Variants in ADGRD1 observed in about 807,000 individuals in gnomAD.
ADGRD1 encodes G-protein coupled receptor 133.
Under a neutral mutation model 113.4 loss-of-function variants are expected in ADGRD1, and 77 were observed. The ratio of observed to expected loss-of-function variants is 0.68; its 90% CI spans 0.57 to 0.82. The LOEUF (loss-of-function observed/expected upper bound fraction) is 0.82, where lower values mean the gene tolerates loss of function less well. ADGRD1 is among the 40% of genes least tolerant of loss of function. The pLI is 0.00. For synonymous variants in ADGRD1, 474 were observed against 475.0 expected, an observed-to-expected ratio of 1.00 and a Z score of 0.03; for missense variants, 1,036 against 1,139.1, an observed-to-expected ratio of 0.91 and a Z score of 1.30.
At chr12:130,996,985 A>G in intron 8 of ADGRD1, among the ~76,000 whole-genome samples, 1 of 120,788 alleles carries the variant, frequency 8.3e-6, no homozygotes, top group Non-Finnish European at 1.7e-5. Context: ...TCCCTCCCGG[A>G]TGGGGCGGCT....
intron 15 of ADGRD1, among the ~76,000 whole-genome samples, chr12:131,099,311 C>T (rs1017215730): frequency 6.6e-6 from 1 of 152,258 alleles, no homozygotes; most frequent in Non-Finnish European, 1.5e-5. Context: ...CACCCTCCCT[C>T]CCTTCCAGTT....
intron 13 of ADGRD1, among the ~76,000 whole-genome samples, chr12:131,055,390 C>T (rs886460589): frequency 2.6e-5 from 4 of 152,230 alleles, no homozygotes; most frequent in African/African-American, 7.2e-5. Flanking sequence ...AGCACACTGA[C>T]TTCAGCGTTC....
chr12:131,135,142 C>CT (rs1951041898), intron 21 of ADGRD1, among the ~76,000 whole-genome samples: 2 of 152,328 alleles, frequency 1.3e-5, no homozygotes, highest in Admixed American at 1.3e-4. Flanking sequence ...TCAGGAATGG[C>CT]TTTGAGGCAG....
chr12:131,102,360 G>A (rs1003286238), intron 15 of ADGRD1, among the ~76,000 whole-genome samples: 1 of 152,256 alleles, frequency 6.6e-6, no homozygotes, highest in African/African-American at 2.4e-5. Flanking sequence ...GCACCCGCCT[G>A]TTGAGGAACT....
At position 131,140,528 on chromosome 12, in the gene ADGRD1, C is replaced by G. The variant is rs1951218272; in HGVS notation, c.*1265C>G. 1 of 152,048 alleles carries G rather than the reference C, an allele frequency of 6.6e-6. No individual in the cohort carries two copies. Among genetic ancestry groups the G allele is most frequent in the Non-Finnish European group, 1.5e-5 (1 of 68,018 alleles). The allele number at this position is 152,048 out of a possible 1,614,324, so 9.4% of individuals were successfully genotyped here. ...TGAGGTTCATACTGTGCTGATAGCA[C>G]TCGTGGTGTCTGTGAAATGTGGGTA... On this transcript the variant is annotated 3_prime_UTR_variant, in exon 25 of 25. Transcript: ENST00000261654.
At chr12:131,042,931 G>A (rs55802853) in intron 13 of ADGRD1, among the ~76,000 whole-genome samples, 1 of 152,264 alleles carries the variant, frequency 6.6e-6, no homozygotes, top group African/African-American at 2.4e-5. Flanking sequence ...GGTAACTGTC[G>A]GATTGTCCGC....
At chr12:131,118,806 G>T (rs193201328) in intron 19 of ADGRD1, among the ~76,000 whole-genome samples, 1 of 152,324 alleles carries the variant, frequency 6.6e-6, no homozygotes, top group African/African-American at 2.4e-5. Context: ...ACCCTTTCTT[G>T]GGGTGGCCAG....
Position 131,050,217 on chromosome 12 carries a change from C to T in ADGRD1, c.1474-26584C>T, listed in dbSNP as rs986951462. On this transcript the variant is annotated intron_variant, in intron 13 of 24. Transcript: ENST00000261654. The surrounding 1 kb of genome is among the most constrained non-coding windows in gnomAD (Gnocchi z 4.8). ...CTCAAGTTGAAATCACCATCGTCAT[C>T]GTCATCATCATCATCATCATCAATG... Among the ~76,000 whole-genome samples, 3 of 107,756 alleles carry T rather than the reference C, an allele frequency of 2.8e-5. No individual in the cohort carries two copies. Among genetic ancestry groups the T allele is most frequent in the African/African-American group, 7.7e-5 (3 of 39,016 alleles). The allele number at this position is 107,756 out of a possible 152,430, so 70.7% of individuals were successfully genotyped here.
chr12:130,996,656 G>C (rs1173835864), intron 8 of ADGRD1, among the ~76,000 whole-genome samples: 1 of 105,262 alleles, frequency 9.5e-6, no homozygotes, highest in African/African-American at 3.7e-5. Context: ...CCGGGCGGGG[G>C]GCTGACCCCC....
intron 21 of ADGRD1, among the ~76,000 whole-genome samples, chr12:131,133,274 A>G (rs994755781): frequency 6.6e-6 from 1 of 152,026 alleles, no homozygotes; most frequent in Non-Finnish European, 1.5e-5. Flanking sequence ...TCTGAGCCCC[A>G]TGAGGCCACT....
intron 13 of ADGRD1, among the ~76,000 whole-genome samples, chr12:131,063,645 G>A (rs1884508093): frequency 6.6e-6 from 1 of 152,178 alleles, no homozygotes; most frequent in African/African-American, 2.4e-5. Flanking sequence ...CCCTGTGCCA[G>A]TCCCACACAG....
rs574166396 is a variant in ADGRD1 at position 131,100,470 on chromosome 12, G to T, written c.1672-4361G>T. ...GGGTTGGTTGATGTTAAGGTTGGTT[G>T]ATGGTGGAGTTGGTTTATAGTCAGA... On this transcript the variant is annotated intron_variant, in intron 15 of 24. Transcript: ENST00000261654. Among the ~76,000 whole-genome samples, 4 of 152,118 alleles carry T rather than the reference G, an allele frequency of 2.6e-5. No homozygotes were observed. In the East Asian group the frequency reaches 7.7e-4, roughly 29 times the overall value.
At chr12:130,955,592 G>A (rs1197637180) in intron 2 of ADGRD1, among the ~76,000 whole-genome samples, 1 of 152,148 alleles carries the variant, frequency 6.6e-6, no homozygotes, top group Non-Finnish European at 1.5e-5. Flanking sequence ...CAGTCACTGG[G>A]CTGTTGCTCC....
At chr12:131,102,027 A>T (rs1364515463) in intron 15 of ADGRD1, among the ~76,000 whole-genome samples, 1 of 152,152 alleles carries the variant, frequency 6.6e-6, no homozygotes, top group Non-Finnish European at 1.5e-5. Flanking sequence ...ATAGCTGAAC[A>T]GGGGGGTTTA....
In ADGRD1 at chr12:131,022,063, AT is replaced by A. The variant is rs955850822; in HGVS notation, c.1473+7727del. ...GATTAGGGCCTACTCTAATGACCTC[AT>A]TTTATCTTAATCACCCCTTCAAAGA... On this transcript the variant is annotated intron_variant, in intron 13 of 24. Transcript: ENST00000261654. The surrounding 1 kb of genome is among the most constrained non-coding windows in gnomAD (Gnocchi z 4.6). Among the ~76,000 whole-genome samples, 1 of 152,008 alleles carries A rather than the reference AT, an allele frequency of 6.6e-6. No individual in the cohort carries two copies. Among genetic ancestry groups the A allele is most frequent in the Non-Finnish European group, 1.5e-5 (1 of 68,004 alleles).
In ADGRD1 at chr12:130,984,821, CT is replaced by C. The variant is rs1391391672; in HGVS notation, c.491-2272del. On this transcript the variant is annotated intron_variant, in intron 5 of 24. Coordinates refer to ENST00000261654, the MANE Select transcript of ADGRD1 (RefSeq NM_198827.5). The surrounding 1 kb of genome is among the most constrained non-coding windows in gnomAD (Gnocchi z 4.1). Reference sequence around the variant, plus strand: ...TTTCCCTCCCTCCCTTCCTCCCTCCCTTCCTTCCTTCCTTCTTGCCTTCCAT... The same window carrying C: ...TTTCCCTCCCTCCCTTCCTCCCTCCCTCCTTCCTTCCTTCTTGCCTTCCAT... Among the ~76,000 whole-genome samples the C allele has an allele frequency of 7.4e-5, 11 of 148,608 alleles. No homozygotes were observed. Among genetic ancestry groups the C allele is most frequent in the East Asian group, 3.9e-4 (2 of 5,118 alleles).
intron 20 of ADGRD1, among the ~76,000 whole-genome samples, chr12:131,130,151 C>T (rs752340946): frequency 1.3e-5 from 2 of 152,256 alleles, no homozygotes; most frequent in South Asian, 2.1e-4. Context: ...GGGGCATCAG[C>T]GTTTCTGGAC....
chr12:130,978,243 T>C (rs1329311088), intron 4 of ADGRD1: 5 of 152,248 alleles, frequency 3.3e-5, no homozygotes, highest in Admixed American at 3.3e-4. Flanking sequence ...GTTGTCTGTC[T>C]TTGAGTTTGT....
chr12:131,095,259 G>C (rs1887201436), intron 15 of ADGRD1, among the ~76,000 whole-genome samples: 1 of 152,198 alleles, frequency 6.6e-6, no homozygotes, highest in Non-Finnish European at 1.5e-5. Flanking sequence ...AGCCCTGCCT[G>C]GGCACCTTGC....
Sources: gnomAD v4.1 joint callset for allele counts (sites outside exome capture counted in the v4.1 genomes callset) on GRCh38, gnomAD v4.1.1 for gene constraint, Gnocchi (gnomAD v3.1) non-coding constraint, MANE v1.5 for transcripts, NCBI Gene and HGNC (gene_info 2026-07-23, HGNC 2026-07-21) for gene names.